The following DCP2 variants were observed in gnomAD, a reference collection of about 807,000 sequenced individuals.
The protein encoded by DCP2 is decapping mRNA 2.
A neutral mutation model predicts 56.1 loss-of-function variants in DCP2; 30 were observed. That is an observed-to-expected ratio of 0.53 (90% CI 0.40 to 0.73). DCP2 has a LOEUF of 0.73. Ranked by LOEUF, DCP2 falls within the 30% of genes least tolerant of loss-of-function variation. The pLI, the probability that DCP2 is intolerant of heterozygous loss-of-function variation, is 0.00. For synonymous variants in DCP2, 197 were observed against 163.3 expected, an observed-to-expected ratio of 1.21 and a Z score of -1.57; for missense variants, 533 against 502.7, an observed-to-expected ratio of 1.06 and a Z score of -0.58.
Position 113,013,498 on chromosome 5 carries a change from A to G in DCP2, c.*14A>G. The G allele has an allele frequency of 6.2e-7, 1 of 1,613,428 alleles. No homozygotes were observed. Among genetic ancestry groups the G allele is most frequent in the Non-Finnish European group, 8.5e-7 (1 of 1,179,604 alleles). On this transcript the variant is annotated 3_prime_UTR_variant, in exon 11 of 11. Transcript: ENST00000389063. ...TTGGACCTTTGATAGCAGCACATGT[A>G]TTGTAAATGTCCCAGGATCAGAGAC...
rs758225763 is a variant in DCP2, at chr5:113,000,399, T to TACACACAC, written c.433-666_433-659dup. Reference sequence around the variant, plus strand: ...TTTTGAAGTGCAATTACTTGTCTAATACACACACACACACACACACACACA... The same window carrying TACACACAC: ...TTTTGAAGTGCAATTACTTGTCTAATACACACACACACACACACACACACACACACACA... On this transcript the variant is annotated intron_variant, in intron 4 of 10. Coordinates refer to ENST00000389063, the MANE Select transcript of DCP2 (RefSeq NM_152624.6). Among the ~76,000 whole-genome samples, 90 of 123,664 alleles carry TACACACAC rather than the reference T, an allele frequency of 7.3e-4. 1 individual carries two copies. The highest frequency in any genetic ancestry group is 2.5e-3 in the African/African-American group (82 of 32,900). 81.1% of individuals were successfully genotyped at this position (123,664 alleles called of 152,430 possible).
At chr5:113,004,138 C>G in intron 8 of DCP2, 61 bp downstream of exon 8, 1 of 1,570,162 alleles carries the variant, frequency 6.4e-7, no homozygotes, top group South Asian at 1.2e-5. Context: ...TGAAATTTTT[C>G]TCAATTGGAG....
chr5:113,001,050 A>T (rs764216179), intron 4 of DCP2, 34 bp from the exon 5 acceptor site: 126 of 1,562,502 alleles, frequency 8.1e-5, no homozygotes, highest in Non-Finnish European at 1.0e-4. Context: ...CTAAGAACTA[A>T]AATGAAAATT....
At chr5:112,984,203 T>TG (rs1748138666) in intron 1 of DCP2, 1 of 152,028 alleles carries the variant, frequency 6.6e-6, no homozygotes, top group African/African-American at 2.4e-5. Context: ...ATCTGAATTG[T>TG]GGGGAAAAAA....
chr5:112,980,925 G>C (rs547175177), intron 1 of DCP2, among the ~76,000 whole-genome samples: 1 of 151,874 alleles, frequency 6.6e-6, no homozygotes, highest in Non-Finnish European at 1.5e-5. Context: ...GTAGATACTA[G>C]ATGAGAGTTC....
At chr5:112,977,121 C>A in intron 1 of DCP2, 135 bp downstream of exon 1, 6 of 619,252 alleles carry the variant, frequency 9.7e-6, no homozygotes, top group East Asian at 3.2e-5. Flanking sequence ...CGCTTTCCAT[C>A]GTCGACCCTG....
At chr5:112,987,074 G>A (rs920142113) in intron 2 of DCP2, among the ~76,000 whole-genome samples, 5 of 152,100 alleles carry the variant, frequency 3.3e-5, no homozygotes, top group African/African-American at 7.2e-5. Flanking sequence ...GAAACTTGTC[G>A]TGATTTATTA....
At chr5:112,982,666 G>A (rs949043243) in intron 1 of DCP2, among the ~76,000 whole-genome samples, 2 of 151,488 alleles carry the variant, frequency 1.3e-5, no homozygotes, top group East Asian at 1.9e-4. Flanking sequence ...TTTTCCCCCC[G>A]AGGGCTCTTA....
chr5:112,992,971 A>AT (rs914905419), intron 4 of DCP2, among the ~76,000 whole-genome samples: 2 of 144,546 alleles, frequency 1.4e-5, no homozygotes, highest in African/African-American at 5.1e-5. Flanking sequence ...ATCTGTTCCC[A>AT]TTTTTTTTAA....
At chr5:113,004,516 A>T (rs942425403) in intron 8 of DCP2, among the ~76,000 whole-genome samples, 1 of 152,210 alleles carries the variant, frequency 6.6e-6, no homozygotes, top group African/African-American at 2.4e-5. Context: ...CAGTTTATTT[A>T]TTCATAACAC....
intron 1 of DCP2, chr5:112,984,180 A>G (rs1459300479): frequency 6.6e-6 from 1 of 152,356 alleles, no homozygotes; most frequent in Non-Finnish European, 1.5e-5. Context: ...AGTCTTAAAG[A>G]TGAAACTGAT....
intron 10 of DCP2, among the ~76,000 whole-genome samples, chr5:113,011,143 C>T (rs1749665392): frequency 6.6e-6 from 1 of 152,160 alleles, no homozygotes; most frequent in African/African-American, 2.4e-5. Context: ...ACCTCACTCT[C>T]AGATCTATAT....
At chr5:112,998,814 A>G (rs1022821781) in intron 4 of DCP2, among the ~76,000 whole-genome samples, 1 of 152,234 alleles carries the variant, frequency 6.6e-6, no homozygotes, top group Admixed American at 6.5e-5. Flanking sequence ...TTTGTCCTTA[A>G]TTGCTTCTGC....
At chr5:112,991,155 A>G (rs573956177) in intron 2 of DCP2, among the ~76,000 whole-genome samples, 1 of 152,334 alleles carries the variant, frequency 6.6e-6, no homozygotes, top group South Asian at 2.1e-4. Flanking sequence ...TTTGATACAT[A>G]TGGTCATCTA....
intron 4 of DCP2, among the ~76,000 whole-genome samples, chr5:112,993,741 C>A (rs1367112194): frequency 1.3e-5 from 2 of 151,908 alleles, no homozygotes; most frequent in East Asian, 1.9e-4. Flanking sequence ...GTTTCTAAAC[C>A]CAGCTTAAAT....
chr5:113,011,692 A>G (rs565112991), intron 10 of DCP2, among the ~76,000 whole-genome samples: 2 of 152,344 alleles, frequency 1.3e-5, no homozygotes, highest in Middle Eastern at 3.4e-3. Flanking sequence ...GAAAGGAACT[A>G]TCATTAGAAT....
chr5:112,984,112 G>C (rs1242167112), intron 1 of DCP2: 1 of 152,214 alleles, frequency 6.6e-6, no homozygotes, highest in African/African-American at 2.4e-5. Flanking sequence ...AGAGTTGACA[G>C]ATGTGTACCA....
chr5:113,002,890 A>G (rs186211937), intron 7 of DCP2, among the ~76,000 whole-genome samples: 1 of 152,266 alleles, frequency 6.6e-6, no homozygotes, highest in Non-Finnish European at 1.5e-5. Context: ...TTTGTTAAAT[A>G]AGGTTGTATT....
intron 1 of DCP2, among the ~76,000 whole-genome samples, chr5:112,979,432 AAAT>A (rs1246837740): frequency 6.6e-6 from 1 of 152,156 alleles, no homozygotes; most frequent in Non-Finnish European, 1.5e-5. Context: ...ACTTCTGTAA[AAAT>A]AAAGCTTAAT....
Sources: allele counts gnomAD v4.1 joint callset (sites outside exome capture counted in the v4.1 genomes callset), GRCh38; gene constraint gnomAD v4.1.1; transcripts MANE v1.5; gene names NCBI Gene and HGNC (gene_info 2026-07-23, HGNC 2026-07-21).